Variants in SGCD observed in about 807,000 individuals in gnomAD.
The protein encoded by SGCD is delta-sarcoglycan.
SGCD carries 18 observed loss-of-function variants against 36.6 expected under a neutral mutation model. That is an observed-to-expected ratio of 0.49 (90% CI 0.34 to 0.73). The LOEUF is 0.73. Among genes scored for constraint, SGCD ranks in the 30% least tolerant of loss-of-function variants. The pLI is 0.01. For missense variants in SGCD, 387 were observed against 346.7 expected (o/e 1.12, Z -0.92); for synonymous variants, 133 against 130.6 (o/e 1.02, Z -0.12).
rs139568735 is a variant in SGCD at position 156,210,460 on chromosome 5, C to A, written c.-44+86441C>A. 6.0e-3 allele frequency among the ~76,000 whole-genome samples: 915 copies of A among 151,904 alleles called. 4 individuals carry two copies. Among genetic ancestry groups the A allele is most frequent in the Middle Eastern group, 0.021 (6 of 292 alleles). ...ATAATAAAATCTCTCAGTAGCTGAC[C>A]CCTAAGAAATAGAGACATATGAACA... On this transcript the variant is annotated intron_variant, in intron 3 of 9. Transcript: ENST00000517913.
At chr5:156,585,801 G>C (rs1285940006) in intron 4 of SGCD, among the ~76,000 whole-genome samples, 1 of 152,092 alleles carries the variant, frequency 6.6e-6, no homozygotes, top group Non-Finnish European at 1.5e-5. Context: ...GCCTTTCCAA[G>C]GTCTCTTTCT....
chr5:156,094,950 A>G (rs1761340203), intron 1 of SGCD, among the ~76,000 whole-genome samples: 1 of 152,122 alleles, frequency 6.6e-6, no homozygotes, highest in Non-Finnish European at 1.5e-5. Context: ...GCAGTGAGCC[A>G]GGTTCACACC....
intron 4 of SGCD, among the ~76,000 whole-genome samples, chr5:156,574,719 A>T (rs963983513): frequency 1.3e-5 from 2 of 152,166 alleles, no homozygotes. Flanking sequence ...ACAACAAATC[A>T]GATTGTATCT....
At chr5:155,858,481 T>G in the SGCD span, among the ~76,000 whole-genome samples, 3 of 152,212 alleles carry the variant, frequency 2.0e-5, no homozygotes, top group Admixed American at 6.5e-5. Context: ...TATCATCTTT[T>G]GTAGTTGTCA....
rs1394026613 is a variant in SGCD at position 156,696,909 on chromosome 5, ACACAC to A, written c.575+49374_575+49378del. On this transcript the variant is annotated intron_variant, in intron 7 of 8. Transcript: ENST00000337851. The stretch of plus-strand genomic sequence containing the variant: ...ACCCTCTTCTCTCCCCATCATCCTT[ACACAC>A]AACACACACACACACACACACACAC... Among the ~76,000 whole-genome samples, 18 of 114,226 alleles carry A rather than the reference ACACAC, an allele frequency of 1.6e-4. No individual in the cohort carries two copies. The South Asian group carries it at 4.9e-3, about 31-fold the overall frequency. 74.9% of individuals were successfully genotyped at this position (114,226 alleles called of 152,430 possible).
rs561308038 is a variant in SGCD at position 156,151,653 on chromosome 5, T to G, written c.-44+27634T>G. ...GCACCAAGATACTGCCTAGGTTCCC[T>G]TCCAGGATATTGACTCAGGAGACTT... On this transcript the variant is annotated intron_variant, in intron 3 of 9. Coordinates refer to the SGCD transcript ENST00000517913. 1.6e-3 allele frequency among the ~76,000 whole-genome samples: 237 copies of G among 151,640 alleles called. 10 individuals carry two copies. The highest frequency in any genetic ancestry group is 5.5e-3 in the African/African-American group (224 of 40,968).
intron 7 of SGCD, among the ~76,000 whole-genome samples, chr5:156,705,364 T>C (rs1275386633): frequency 6.6e-6 from 1 of 152,184 alleles, no homozygotes; most frequent in Admixed American, 6.5e-5. Context: ...CGTGATTTGC[T>C]TTGACTGATC....
Position 156,542,815 on chromosome 5 carries a change from G to A in SGCD, c.294+34113G>A, listed in dbSNP as rs140867527. 2.2e-3 allele frequency among the ~76,000 whole-genome samples: 339 copies of A among 152,236 alleles called. 1 individual carries two copies. Among genetic ancestry groups the A allele is most frequent in the African/African-American group, 7.7e-3 (318 of 41,544 alleles). On this transcript the variant is annotated intron_variant, in intron 4 of 8. Transcript: ENST00000337851. ...GTTCTGCTGTGCTGCCTTGCAACAC[G>A]CTGGCTCAGAATAAAGAATTGTCTA...
chr5:156,095,708 A>G (rs944987534), intron 1 of SGCD, among the ~76,000 whole-genome samples: 2 of 152,192 alleles, frequency 1.3e-5, no homozygotes, highest in Non-Finnish European at 2.9e-5. Context: ...TAAGGGCCCA[A>G]GCATAAATGT....
chr5:156,395,893 A>G (rs967961976), intron 3 of SGCD, among the ~76,000 whole-genome samples: 4 of 152,328 alleles, frequency 2.6e-5, no homozygotes, highest in South Asian at 2.1e-4. Flanking sequence ...TGCTAATTCA[A>G]AACTTGACAC....
At chr5:156,140,728 C>T (rs1762560117) in intron 3 of SGCD, among the ~76,000 whole-genome samples, 1 of 152,064 alleles carries the variant, frequency 6.6e-6, no homozygotes, top group Non-Finnish European at 1.5e-5. Context: ...TTGGAAAATT[C>T]TCAGCCTAGT....
At chr5:156,299,634 G>A (rs973786538) in intron 3 of SGCD, among the ~76,000 whole-genome samples, 7 of 151,708 alleles carry the variant, frequency 4.6e-5, no homozygotes, top group Admixed American at 6.6e-5. Flanking sequence ...TATAGTTTTC[G>A]TTATAGAGAT....
chr5:156,716,113 C>T (rs1755211608), intron 7 of SGCD, among the ~76,000 whole-genome samples: 1 of 152,136 alleles, frequency 6.6e-6, no homozygotes, highest in Admixed American at 6.6e-5. Context: ...TTTGTTCAGC[C>T]TGATCAGCCT....
intron 6 of SGCD, among the ~76,000 whole-genome samples, chr5:156,629,791 C>T (rs553971461): frequency 1.3e-5 from 2 of 149,038 alleles, no homozygotes; most frequent in South Asian, 4.3e-4. Context: ...GGTAGTGAGA[C>T]AAATTTGGCC....
intron 1 of SGCD, among the ~76,000 whole-genome samples, chr5:155,892,412 G>A (rs1021156192): frequency 7.2e-5 from 10 of 138,696 alleles, no homozygotes; most frequent in Non-Finnish European, 1.2e-4. Context: ...CCAAGATCGC[G>A]CCACTGCACT....
chr5:156,382,838 G>A (rs937253430), intron 3 of SGCD, among the ~76,000 whole-genome samples: 1 of 152,154 alleles, frequency 6.6e-6, no homozygotes, highest in Non-Finnish European at 1.5e-5. Context: ...GAAAAAAACA[G>A]TTATTAGATT....
At chr5:156,182,532 G>A (rs1285378465) in intron 3 of SGCD, among the ~76,000 whole-genome samples, 1 of 152,132 alleles carries the variant, frequency 6.6e-6, no homozygotes, top group Non-Finnish European at 1.5e-5. Context: ...GGGAGGTGGC[G>A]GTTGCAGTGA....
At chr5:156,144,186 C>T (rs188548828) in intron 3 of SGCD, among the ~76,000 whole-genome samples, 158 of 151,978 alleles carry the variant, frequency 1.0e-3, no homozygotes, top group African/African-American at 3.1e-3. Context: ...TGAATAGTGC[C>T]GCAATAAACA....
At chr5:156,494,504 T>G (rs538650468) in intron 3 of SGCD, among the ~76,000 whole-genome samples, 275 of 152,180 alleles carry the variant, frequency 1.8e-3, no homozygotes, top group African/African-American at 6.1e-3. Flanking sequence ...CAGGATCTAT[T>G]ATAAGACAGT....
Sources: allele counts gnomAD v4.1 joint callset (sites outside exome capture counted in the v4.1 genomes callset), GRCh38; gene constraint gnomAD v4.1.1; transcripts MANE v1.5; gene names NCBI Gene and HGNC (gene_info 2026-07-23, HGNC 2026-07-21).